The following GOLGA4 variants were observed in gnomAD, a reference collection of about 807,000 sequenced individuals.
GOLGA4 encodes golgin subfamily A member 4.
Under a neutral mutation model 265.9 loss-of-function variants are expected in GOLGA4, and 169 were observed. That is an observed-to-expected ratio of 0.64 (90% CI 0.56 to 0.72). The LOEUF is 0.72. GOLGA4 is among the 30% of genes least tolerant of loss of function. The pLI, the probability that GOLGA4 is intolerant of heterozygous loss-of-function variation, is 0.00. For synonymous variants in GOLGA4, 923 were observed against 855.8 expected (o/e 1.08, Z -1.37); for missense variants, 2,482 against 2,483.4 (o/e 1.00, Z 0.01).
At chr3:37,361,219 CT>C (rs762874038) in intron 22 of GOLGA4, 23 bp from the exon 23 acceptor site, 3 of 1,588,684 alleles carry the variant, frequency 1.9e-6, no homozygotes, top group Admixed American at 1.7e-5. Flanking sequence ...ACCCAATAAG[CT>C]TTTTTTCTTC....
chr3:37,326,297 T>A lies in GOLGA4; in HGVS notation c.4411T>A (p.Ser1471Thr), dbSNP rs376191831. The A allele has an allele frequency of 1.7e-5, 27 of 1,612,098 alleles. No homozygotes were observed. The African/African-American group carries it at 3.2e-4, about 19-fold the overall frequency. ...KELQIQLELKSKEAYEKDEQI... is the reference protein window; with the variant it reads ...KELQIQLELKTKEAYEKDEQI... ...ATTGCAGATCCAGCTTGAGTTAAAA[T>A]CAAAGGAAGCTTATGAAAAGGATGA... Residue 1471 changes from serine (S) to threonine (T), a missense_variant, in exon 14 of 24, where the codon TCA becomes ACA. By Grantham distance (58) the Ser-to-Thr change is moderately conservative. Around this residue, in one of 3 missense-constraint regions of GOLGA4, gnomAD observed 942 missense variants for 983.1 expected, o/e 0.96. Transcript: ENST00000361924.
At chr3:37,300,321 C>T (rs1474187370) in intron 9 of GOLGA4, among the ~76,000 whole-genome samples, 4 of 152,144 alleles carry the variant, frequency 2.6e-5, no homozygotes, top group Non-Finnish European at 5.9e-5. Context: ...TAGCATCCAC[C>T]ATTTTCTTTA....
At position 37,252,159 on chromosome 3, in the gene GOLGA4, C is replaced by T. The variant is rs552269664; in HGVS notation, c.162+675C>T. On this transcript the variant is annotated intron_variant, in intron 2 of 23. Transcript: ENST00000361924. ...CACTTTTTTTCTGTGAAGTGTAACA[C>T]ACATACAAAAAGAAGGTAAAACATA... Among the ~76,000 whole-genome samples, 9 of 151,790 alleles carry T rather than the reference C, an allele frequency of 5.9e-5. No homozygotes were observed. The East Asian group carries it at 1.7e-3, about 29-fold the overall frequency.
rs1248619724 is a variant in GOLGA4, at chr3:37,270,420, A to G, written c.163-11538A>G. Among the ~76,000 whole-genome samples the G allele has an allele frequency of 1.1e-3, 159 of 140,180 alleles. No individual in the cohort carries two copies. The Middle Eastern group carries it at 0.016, about 15-fold the overall frequency. 92.0% of individuals were successfully genotyped at this position (140,180 alleles called of 152,430 possible). ...TTTAGTAGAGATGGGGTTTCACCAT[A>G]TTGGCCAGGCTGGTCTCGAACTCCT... On this transcript the variant is annotated intron_variant, in intron 2 of 23. Coordinates refer to ENST00000361924, the MANE Select transcript of GOLGA4 (RefSeq NM_002078.5).
In GOLGA4 at chr3:37,325,939, C is replaced by T. The variant is rs762063392; in HGVS notation, c.4053C>T (p.Asn1351=). 2 of 1,612,244 alleles carry T rather than the reference C, an allele frequency of 1.2e-6. No individual in the cohort carries two copies. Among genetic ancestry groups the T allele is most frequent in the Admixed American group, 3.3e-5 (2 of 59,962 alleles). ...AGTTGAAGAAAGAGTTATCTGAAAACATCAATGCTGTCACATTGATGAAAG... is the reference window on the plus strand; with the variant it reads ...AGTTGAAGAAAGAGTTATCTGAAAATATCAATGCTGTCACATTGATGAAAG... ...ITQLKKELSE[N]INAVTLMKEE... The change falls in exon 14 of 24, where the codon AAC becomes AAT. Residue 1351 remains asparagine (N), a synonymous_variant. Transcript: ENST00000361924.
intron 16 of GOLGA4, among the ~76,000 whole-genome samples, chr3:37,330,120 A>C (rs2096985178): frequency 6.6e-6 from 1 of 151,844 alleles, no homozygotes; most frequent in Non-Finnish European, 1.5e-5. Context: ...TATATGTGCT[A>C]AATGAAAAAA....
chr3:37,321,602 A>AG (rs1180366340), intron 12 of GOLGA4, 129 bp from the exon 13 acceptor site: 10 of 752,700 alleles, frequency 1.3e-5, no homozygotes, highest in African/African-American at 5.3e-5. Context: ...GGGAGGAGAG[A>AG]GATGATGACG....
intron 3 of GOLGA4, among the ~76,000 whole-genome samples, chr3:37,285,048 A>T (rs373668637): frequency 6.6e-6 from 1 of 152,166 alleles, no homozygotes; most frequent in East Asian, 1.9e-4. Flanking sequence ...GCAAAGCTCA[A>T]ATAGGGGATG....
chr3:37,276,175 T>C (rs2150742329), intron 2 of GOLGA4: 1 of 1,594,752 alleles, frequency 6.3e-7, no homozygotes, highest in East Asian at 2.2e-5. Context: ...ACATTGCAAT[T>C]GGAGCTGATG....
intron 10 of GOLGA4, among the ~76,000 whole-genome samples, chr3:37,313,761 G>A (rs1438764554): frequency 6.6e-6 from 1 of 152,094 alleles, no homozygotes; most frequent in Non-Finnish European, 1.5e-5. Flanking sequence ...CTTGACTTAT[G>A]ATGGGGTTAG....
At chr3:37,289,675 C>A (rs562304894) in intron 5 of GOLGA4, among the ~76,000 whole-genome samples, 1 of 152,056 alleles carries the variant, frequency 6.6e-6, no homozygotes, top group Non-Finnish European at 1.5e-5. Flanking sequence ...TTTCATAGCA[C>A]TTAGACTGTT....
chr3:37,362,630 G>T (rs1696397055), intron 23 of GOLGA4, among the ~76,000 whole-genome samples: 1 of 151,564 alleles, frequency 6.6e-6, no homozygotes, highest in Admixed American at 6.6e-5. Context: ...TCAGCTCCTG[G>T]GCTCAAGGGA....
chr3:37,303,604 C>T (rs1229138473), intron 10 of GOLGA4, among the ~76,000 whole-genome samples: 1 of 152,116 alleles, frequency 6.6e-6, no homozygotes, highest in East Asian at 1.9e-4. Context: ...AATTGAGTTG[C>T]AGGAATTTGG....
chr3:37,257,211 A>G (rs557206673), intron 2 of GOLGA4, among the ~76,000 whole-genome samples: 1 of 152,266 alleles, frequency 6.6e-6, no homozygotes, highest in South Asian at 2.1e-4. Flanking sequence ...ACTTAGCTTA[A>G]TGTTTTCAAG....
At position 37,325,765 on chromosome 3, in the gene GOLGA4, A is replaced by G. The variant is rs552879137; in HGVS notation, c.3879A>G (p.Gln1293=). 6.2e-6 allele frequency: 10 copies of G among 1,613,608 alleles called. No homozygotes were observed. The African/African-American group carries it at 1.2e-4, about 19-fold the overall frequency. ...EEQNTLNISF[Q]QATHQLEEKE... is the part of the protein sequence containing the mutation. ...AAAATACACTAAATATTTCTTTTCAACAGGCTACTCATCAGTTAGAAGAAA... is the reference window on the plus strand; with the variant it reads ...AAAATACACTAAATATTTCTTTTCAGCAGGCTACTCATCAGTTAGAAGAAA... Residue 1293 remains glutamine, a synonymous_variant, in exon 14 of 24, where the codon CAA becomes CAG. Transcript: ENST00000361924.
chr3:37,267,215 CTT>C (rs552286875), intron 2 of GOLGA4, among the ~76,000 whole-genome samples: 1 of 152,128 alleles, frequency 6.6e-6, no homozygotes, highest in Non-Finnish European at 1.5e-5. Context: ...ACTCTAACCT[CTT>C]TTTTTCCTAG....
At position 37,302,206 on chromosome 3, in the gene GOLGA4, A is replaced by C; in HGVS notation, c.1108A>C (p.Lys370Gln). Residue 370 changes from lysine (K) to glutamine (Q), a missense_variant, in exon 10 of 24, where the codon AAA becomes CAA. Around this residue, in one of 3 missense-constraint regions of GOLGA4, gnomAD observed 1,536 missense variants for 1,483.7 expected, o/e 1.04. Transcript: ENST00000361924. ...TCAGGGAATGGTAATCGCAGAGACA[A>C]AACGTCAGATGCATGAAACCCTGGA... Reference protein sequence around the residue: ...QDKGMVIAETKRQMHETLEMK... With the variant: ...QDKGMVIAETQRQMHETLEMK... 3 of 1,613,664 alleles carry C rather than the reference A, an allele frequency of 1.9e-6. No homozygotes were observed. The highest frequency in any genetic ancestry group is 2.5e-6 in the Non-Finnish European group (3 of 1,179,598).
chr3:37,251,318 T>C (rs1300678841), intron 1 of GOLGA4, 77 bp from the exon 2 acceptor site: 14 of 844,550 alleles, frequency 1.7e-5, no homozygotes, highest in Non-Finnish European at 2.6e-5. Flanking sequence ...GGGCATGGAC[T>C]GAGAGAAGGA....
intron 20 of GOLGA4, 152 bp downstream of exon 20, chr3:37,340,351 G>GTATAGTGT: frequency 2.2e-6 from 1 of 460,626 alleles, no homozygotes; most frequent in Non-Finnish European, 3.9e-6. Flanking sequence ...ATGCATATAT[G>GTATAGTGT]TATAGTGTGC....
Sources: allele counts gnomAD v4.1 joint callset (sites outside exome capture counted in the v4.1 genomes callset), GRCh38; gene constraint gnomAD v4.1.1; regional missense constraint gnomAD v4.1.1; transcripts MANE v1.5; gene names NCBI Gene and HGNC (gene_info 2026-07-23, HGNC 2026-07-21).